The following COL6A2 variants were observed in gnomAD, a reference collection of about 807,000 sequenced individuals.
COL6A2 encodes collagen alpha-2(VI) chain.
A neutral mutation model predicts 124.9 loss-of-function variants in COL6A2; 90 were observed. The observed-to-expected ratio is 0.72, with a 90% CI of 0.61 to 0.86. The LOEUF (loss-of-function observed/expected upper bound fraction) is 0.86. Ranked by LOEUF, COL6A2 falls within the 40% of genes least tolerant of loss-of-function variation. The probability of loss-of-function intolerance (pLI) is 0.00; values close to 1 mark genes in which losing one functional copy is unlikely to be tolerated. For synonymous variants in COL6A2, 793 were observed against 618.2 expected, an observed-to-expected ratio of 1.28 and a Z score of -4.19; for missense variants, 1,607 against 1,502.5, an observed-to-expected ratio of 1.07 and a Z score of -1.15.
In COL6A2 at chr21:46,132,191, C is replaced by G. The variant is rs1601268073; in HGVS notation, c.2699C>G (p.Ala900Gly). 2 of 1,576,498 alleles carry G rather than the reference C, an allele frequency of 1.3e-6. No individual in the cohort carries two copies. The highest frequency in any genetic ancestry group is 1.7e-6 in the Non-Finnish European group (2 of 1,162,366). ...TTCCCGCTGAGCCACAACCTCACGG[C>G]CATCCACGAGGCGCTGGAGACCACA... The part of the protein sequence containing the change: ...VAFPLSHNLT[A>G]IHEALETTQY... The change falls in exon 28 of 28, where the codon GCC becomes GGC. Residue 900 changes from alanine to glycine, a missense_variant. By Grantham distance (60) the Ala-to-Gly change is moderately conservative. This residue lies in a region of COL6A2 where 1,223 missense variants were observed against 1,052.2 expected (regional missense o/e 1.16). Coordinates refer to ENST00000300527, the MANE Select transcript of COL6A2 (RefSeq NM_001849.4).
rs770428180 is a variant in COL6A2 at position 46,117,856 on chromosome 21, C to A, written c.1054-18C>A. 3.7e-6 allele frequency: 6 copies of A among 1,606,922 alleles called. No individual in the cohort carries two copies. The East Asian group carries it at 1.3e-4, about 36-fold the overall frequency. The stretch of plus-strand genomic sequence containing the variant: ...CCACCCGCCGTGTGCCGAGCTCCAC[C>A]TCTCACTCCTCTCTCAGGGCCCCGA... On this transcript the variant is annotated intron_variant, in intron 11 of 27. Coordinates refer to ENST00000300527, the MANE Select transcript of COL6A2 (RefSeq NM_001849.4).
chr21:46,129,530 C>T (rs1381532961), intron 27 of COL6A2: 1 of 1,519,990 alleles, frequency 6.6e-7, no homozygotes, highest in Non-Finnish European at 8.8e-7. Context: ...GCCCTCCCTG[C>T]CACACTAGCT....
rs188508745 is a variant in COL6A2, at chr21:46,126,011, C to T, written c.2196C>T (p.Asp732=). 101 of 1,612,894 alleles carry T rather than the reference C, an allele frequency of 6.3e-5. 1 individual carries two copies. Among genetic ancestry groups the T allele is most frequent in the Non-Finnish European group, 7.1e-5 (84 of 1,179,830 alleles). ...GTGTGTTTGCGGTGGTCATCACGGA[C>T]GGGCGCCACGACCCTCGGGACGATG... ...KTRVFAVVIT[D]GRHDPRDDDL... is the part of the protein sequence containing the mutation. Residue 732 remains aspartate (D), a synonymous_variant, in exon 26 of 28, where the codon GAC becomes GAT. Coordinates refer to ENST00000300527, the MANE Select transcript of COL6A2 (RefSeq NM_001849.4).
In COL6A2 at chr21:46,129,005, C is replaced by T. The variant is rs1428111687; in HGVS notation, c.2461+2464C>T. ...TCCTAGCTCCCTGCCAGCTTCCTGT[C>T]CCTGTGCTCACTGCCCCCACGCCTC... On this transcript the variant is annotated intron_variant, in intron 27 of 27. Coordinates refer to ENST00000300527, the MANE Select transcript of COL6A2 (RefSeq NM_001849.4). The T allele has an allele frequency of 2.5e-6, 4 of 1,605,816 alleles. No individual in the cohort carries two copies. In the Middle Eastern group the frequency reaches 6.7e-4, roughly 268 times the overall value.
intron 20 of COL6A2, 114 bp downstream of exon 20, chr21:46,122,645 C>A: frequency 7.9e-7 from 1 of 1,258,600 alleles, no homozygotes; most frequent in Non-Finnish European, 1.1e-6. Flanking sequence ...TTGAGATGGT[C>A]CTGGCTCCCC....
rs771181460 is a variant in COL6A2 at position 46,131,989 on chromosome 21, G to A, written c.2497G>A (p.Asp833Asn). 1.2e-6 allele frequency: 2 copies of A among 1,609,950 alleles called. No individual in the cohort carries two copies. The highest frequency in any genetic ancestry group is 1.7e-6 in the Non-Finnish European group (2 of 1,179,366). The change falls in exon 28 of 28, where the codon GAC becomes AAC. Residue 833 changes from aspartate (D) to asparagine (N), a missense_variant. This residue lies in a region of COL6A2 where 1,223 missense variants were observed against 1,052.2 expected (regional missense o/e 1.16). Transcript: ENST00000300527. ...GGCACAGTGCACGCAGCGGCCCGTG[G>A]ACATCGTCTTCCTGCTGGACGGCTC... is the stretch of plus-strand genomic sequence containing the variant. ...SVAQCTQRPV[D>N]IVFLLDGSER... is the part of the protein sequence containing the mutation.
chr21:46,122,023 T>C, intron 18 of COL6A2, 85 bp from the exon 19 acceptor site: 1 of 1,420,760 alleles, frequency 7.0e-7, no homozygotes. Context: ...TCCACCCCAG[T>C]GTGCACCTTG....
rs149601961 is a variant in COL6A2 at position 46,122,934 on chromosome 21, G to A, written c.1668G>A (p.Glu556=). ...GEPGRKGEKG[E]PADPGPPGEP... is the part of the protein sequence containing the mutation. ...CTGGGAGGAAAGGAGAGAAAGGAGA[G>A]CCTGTGAGTGTCACCGTCCCGAAGC... Residue 556 remains glutamate (E), a synonymous_variant, in exon 21 of 28, where the codon GAG becomes GAA. Coordinates refer to ENST00000300527, the MANE Select transcript of COL6A2 (RefSeq NM_001849.4). 9 of 1,613,048 alleles carry A rather than the reference G, an allele frequency of 5.6e-6. No individual in the cohort carries two copies. In the African/African-American group the frequency reaches 1.1e-4, roughly 19 times the overall value.
chr21:46,104,274 A>G (rs922512682), intron 1 of COL6A2, among the ~76,000 whole-genome samples: 6 of 152,186 alleles, frequency 3.9e-5, no homozygotes, highest in African/African-American at 1.4e-4. Context: ...TAACTAAGGG[A>G]AAATGTGGAG....
intron 1 of COL6A2, among the ~76,000 whole-genome samples, chr21:46,100,894 T>C (rs973092899): frequency 4.6e-5 from 7 of 152,250 alleles, no homozygotes; most frequent in African/African-American, 1.7e-4. Context: ...GATCCCACTT[T>C]CACTTCTTTT....
Position 46,117,876 on chromosome 21 carries a change from C to T in COL6A2, c.1056C>T (p.Gly352=). The T allele has an allele frequency of 1.2e-6, 2 of 1,611,006 alleles. No homozygotes were observed. The highest frequency in any genetic ancestry group is 1.7e-6 in the Non-Finnish European group (2 of 1,179,354). Residue 352 remains glycine (G), a splice_region_variant and synonymous_variant, in exon 12 of 28, where the codon GGC becomes GGT. Transcript: ENST00000300527. ...TCCACCTCTCACTCCTCTCTCAGGG[C>T]CCCGACGGTTACCCGGGGGAAGCAG... ...PGCKGDPGNR[G]PDGYPGEAGS...
chr21:46,122,244 GCCT>G, intron 19 of COL6A2, 86 bp downstream of exon 19: 1 of 1,471,732 alleles, frequency 6.8e-7, no homozygotes, highest in Non-Finnish European at 9.4e-7. Context: ...TTCCCTCAAG[GCCT>G]CCTCTGTGCA....
Position 46,125,030 on chromosome 21 carries a change from G to A in COL6A2, c.1770+110G>A. On this transcript the variant is annotated intron_variant, in intron 23 of 27. Coordinates refer to ENST00000300527, the MANE Select transcript of COL6A2 (RefSeq NM_001849.4). ...GGCACGGTCAGAGAGCAAGATCAGTGGAGGAGGTCAGAGGGCAAGGTCAGA... is the reference window on the plus strand; with the variant it reads ...GGCACGGTCAGAGAGCAAGATCAGTAGAGGAGGTCAGAGGGCAAGGTCAGA... The A allele has an allele frequency of 2.2e-6, 3 of 1,388,072 alleles. No homozygotes were observed. The East Asian group carries it at 6.9e-5, about 32-fold the overall frequency. 86.0% of individuals were successfully genotyped at this position (1,388,072 alleles called of 1,614,324 possible).
chr21:46,103,578 G>A lies in COL6A2; in HGVS notation c.-28+5405G>A, dbSNP rs77088760. 1.4e-3 allele frequency among the ~76,000 whole-genome samples: 216 copies of A among 152,132 alleles called. 7 individuals carry two copies. In the East Asian group the frequency reaches 0.023, roughly 16 times the overall value. On this transcript the variant is annotated intron_variant, in intron 1 of 27. Transcript: ENST00000300527. Reference sequence around the variant, plus strand: ...CCCCCTTAGCACTGCTTTCACTGTCGAACAAGTTTTTAAATTTGTGTTTTC... The same window carrying A: ...CCCCCTTAGCACTGCTTTCACTGTCAAACAAGTTTTTAAATTTGTGTTTTC...
chr21:46,114,195 G>T (rs556618111), intron 5 of COL6A2, 122 bp downstream of exon 5: 10 of 793,992 alleles, frequency 1.3e-5, no homozygotes, highest in African/African-American at 8.4e-5. Flanking sequence ...GGGAGGCCGA[G>T]GCGGGCGGAT....
At chr21:46,124,980 C>A in intron 23 of COL6A2, 60 bp downstream of exon 23, 1 of 1,594,618 alleles carries the variant, frequency 6.3e-7, no homozygotes, top group Non-Finnish European at 8.6e-7. Flanking sequence ...ACACCAAGAG[C>A]AGCAGGGGTG....
At chr21:46,129,077 C>T (rs1404687826) in intron 27 of COL6A2, 31 of 1,599,470 alleles carry the variant, frequency 1.9e-5, no homozygotes, top group African/African-American at 6.7e-5. Context: ...TTTCCTCTAC[C>T]GACTCGCCAG....
At chr21:46,115,743 G>C (rs1188883860) in intron 5 of COL6A2, 129 bp from the exon 6 acceptor site, 4 of 841,290 alleles carry the variant, frequency 4.8e-6, no homozygotes, top group Non-Finnish European at 7.8e-6. Context: ...CTGACACCAA[G>C]ACTTCTCCAC....
In COL6A2 at chr21:46,132,165, C is replaced by T. The variant is rs1425965726; in HGVS notation, c.2673C>T (p.Ala891=). The change falls in exon 28 of 28, where the codon GCC becomes GCT. Residue 891 remains alanine (A), a synonymous_variant. Coordinates refer to ENST00000300527, the MANE Select transcript of COL6A2 (RefSeq NM_001849.4). ...QFGGPGEQQV[A]FPLSHNLTAI... ...GTGGCCCCGGCGAGCAGCAGGTGGCCTTCCCGCTGAGCCACAACCTCACGG... is the reference window on the plus strand; with the variant it reads ...GTGGCCCCGGCGAGCAGCAGGTGGCTTTCCCGCTGAGCCACAACCTCACGG... 1.3e-6 allele frequency: 2 copies of T among 1,570,114 alleles called. No individual in the cohort carries two copies. The highest frequency in any genetic ancestry group is 1.7e-6 in the Non-Finnish European group (2 of 1,159,198).
Sources: gnomAD v4.1 joint callset for allele counts (sites outside exome capture counted in the v4.1 genomes callset) on GRCh38, gnomAD v4.1.1 for gene constraint, gnomAD v4.1.1 regional missense constraint, MANE v1.5 for transcripts, NCBI Gene and HGNC (gene_info 2026-07-23, HGNC 2026-07-21) for gene names.